Variants in ZNF175 observed in about 807,000 individuals in gnomAD.
ZNF175 encodes zinc finger protein OTK18.
ZNF175 carries 8 observed loss-of-function variants against 14.0 expected under a neutral mutation model. That is an observed-to-expected ratio of 0.57 (90% CI 0.34 to 1.03). The LOEUF (loss-of-function observed/expected upper bound fraction) is 1.03, where lower values mean the gene tolerates loss of function less well. Ranked by LOEUF, ZNF175 falls within the 50% of genes least tolerant of loss-of-function variation. The pLI is 0.03. For missense variants in ZNF175, 764 were observed against 849.5 expected, an observed-to-expected ratio of 0.90 and a Z score of 1.25; for synonymous variants, 255 against 296.8, an observed-to-expected ratio of 0.86 and a Z score of 1.45.
At position 51,581,809 on chromosome 19, in the gene ZNF175, G is replaced by T; in HGVS notation, c.222G>T (p.Glu74Asp). The T allele has an allele frequency of 6.2e-7, 1 of 1,613,950 alleles. No homozygotes were observed. Among genetic ancestry groups the T allele is most frequent in the Non-Finnish European group, 8.5e-7 (1 of 1,179,912 alleles). ...FAVGYHIPNP[E>D]VIFRMLKEKE... ...CAGGGTATCACATTCCCAACCCAGAGGTCATCTTCAGAATGCTAAAAGAAA... is the reference window on the plus strand; with the variant it reads ...CAGGGTATCACATTCCCAACCCAGATGTCATCTTCAGAATGCTAAAAGAAA... The change falls in exon 4 of 5, where the codon GAG (glutamate) becomes GAT (aspartate). Residue 74 changes from glutamate to aspartate, a missense_variant. Glu to Asp is a conservative substitution (Grantham distance 45, BLOSUM62 2). Coordinates refer to ENST00000262259, the MANE Select transcript of ZNF175 (RefSeq NM_007147.4).
chr19:51,577,870 A>T (rs567499387), intron 2 of ZNF175, among the ~76,000 whole-genome samples: 1 of 151,068 alleles, frequency 6.6e-6, no homozygotes, highest in African/African-American at 2.4e-5. Context: ...TCACCGTGTT[A>T]GCCAGGATGG....
intron 2 of ZNF175, among the ~76,000 whole-genome samples, chr19:51,574,926 T>A (rs151319243): frequency 9.5e-4 from 144 of 152,320 alleles, no homozygotes; most frequent in Non-Finnish European, 1.6e-3. Context: ...TCCATCAGTG[T>A]CTGAATTCAT....
rs574264495 is a variant in ZNF175 at position 51,573,307 on chromosome 19, G to A, written c.-23G>A. 23 of 1,612,280 alleles carry A rather than the reference G, an allele frequency of 1.4e-5. 1 individual carries two copies. The Middle Eastern group carries it at 5.0e-4, about 35-fold the overall frequency. ...AGTGGAGTTGTCAGCAAGAGAGACC[G>A]AGAGTAGAAGCCCAGAGTGGAGATG... On this transcript the variant is annotated 5_prime_UTR_variant, in exon 2 of 5. Transcript: ENST00000262259.
chr19:51,580,287 A>G (rs781503596), intron 2 of ZNF175, among the ~76,000 whole-genome samples: 6 of 151,726 alleles, frequency 4.0e-5, no homozygotes, highest in Non-Finnish European at 8.8e-5. Context: ...TTATTTTTTT[A>G]TTTTGCATCA....
At chr19:51,580,948 A>C (rs544344457) in intron 2 of ZNF175, among the ~76,000 whole-genome samples, 9 of 152,290 alleles carry the variant, frequency 5.9e-5, no homozygotes, top group Non-Finnish European at 8.8e-5. Flanking sequence ...TCCTCTGCAT[A>C]TATTTCTACC....
At chr19:51,582,357 G>A (rs1023906250) in intron 4 of ZNF175, among the ~76,000 whole-genome samples, 3 of 152,154 alleles carry the variant, frequency 2.0e-5, no homozygotes, top group Admixed American at 6.5e-5. Context: ...GGGTGCAGTG[G>A]CACGATCTTG....
rs933537262 is a variant in ZNF175 at position 51,589,226 on chromosome 19, G to A, written c.*759G>A. The A allele has an allele frequency of 1.0e-5, 3 of 292,040 alleles. No homozygotes were observed. Among genetic ancestry groups the A allele is most frequent in the African/African-American group, 4.3e-5 (2 of 46,208 alleles). The allele number at this position is 292,040 out of a possible 1,614,324, so 18.1% of individuals were successfully genotyped here. The stretch of plus-strand genomic sequence containing the variant: ...TCTATGTATGTATATATATGCATAT[G>A]CAGACATATGTATATGGTCTGGTCA... On this transcript the variant is annotated 3_prime_UTR_variant, in exon 5 of 5. Coordinates refer to ENST00000262259, the MANE Select transcript of ZNF175 (RefSeq NM_007147.4).
rs867737061 is a variant in ZNF175, at chr19:51,576,147, T to C, written c.72+2746T>C. On this transcript the variant is annotated intron_variant, in intron 2 of 4. Coordinates refer to ENST00000262259, the MANE Select transcript of ZNF175 (RefSeq NM_007147.4). ...CTCGCTATTTCAGGGACAGTTTTTT[T>C]TTTTGTTTTTTTTTTTTTTTGAGAC... is the stretch of plus-strand genomic sequence containing the variant. 1.9e-4 allele frequency among the ~76,000 whole-genome samples: 23 copies of C among 122,970 alleles called. No homozygotes were observed. The East Asian group carries it at 0.011, about 57-fold the overall frequency. 80.7% of individuals were successfully genotyped at this position (122,970 alleles called of 152,430 possible).
Position 51,589,324 on chromosome 19 carries a change from C to G in ZNF175, c.*857C>G. On this transcript the variant is annotated 3_prime_UTR_variant, in exon 5 of 5. Transcript: ENST00000262259. The stretch of plus-strand genomic sequence containing the variant: ...GCAGTGGGGTTTGCTGCAGAATTCA[C>G]TGCATAGCAGGAGATGTAAGCAGAT... 1.8e-6 allele frequency: 1 copy of G among 558,638 alleles called. No homozygotes were observed. The allele number at this position is 558,638 out of a possible 1,614,324, so 34.6% of individuals were successfully genotyped here.
chr19:51,586,922 A>G lies in ZNF175; in HGVS notation c.591A>G (p.Lys197=). 1 of 1,614,188 alleles carries G rather than the reference A, an allele frequency of 6.2e-7. No homozygotes were observed. The highest frequency in any genetic ancestry group is 8.5e-7 in the Non-Finnish European group (1 of 1,180,024). ...HLASSQKQPQ[K]CCLFTESLKL... ...CTTCTTCACAGAAACAACCTCAGAA[A>G]TGTTGCTTATTTACAGAAAGTTTGA... The change falls in exon 5 of 5, where the codon AAA becomes AAG. Residue 197 remains lysine, a synonymous_variant. Coordinates refer to ENST00000262259, the MANE Select transcript of ZNF175 (RefSeq NM_007147.4).
chr19:51,587,482 C>T lies in ZNF175; in HGVS notation c.1151C>T (p.Thr384Ile). Residue 384 changes from threonine (T) to isoleucine (I), a missense_variant, in exon 5 of 5, where the codon ACT (threonine) becomes ATT (isoleucine). Thr to Ile is a moderately conservative substitution (Grantham distance 89, BLOSUM62 -1). Transcript: ENST00000262259. ...QMLSLFRHQR[T>I]HSREKLYECS... ...TTATCTCTCTTCAGACATCAGAGAACTCACAGTAGAGAAAAACTCTATGAA... is the reference window on the plus strand; with the variant it reads ...TTATCTCTCTTCAGACATCAGAGAATTCACAGTAGAGAAAAACTCTATGAA... 1 of 1,614,192 alleles carries T rather than the reference C, an allele frequency of 6.2e-7. No individual in the cohort carries two copies. The highest frequency in any genetic ancestry group is 8.5e-7 in the Non-Finnish European group (1 of 1,180,030).
At position 51,588,829 on chromosome 19, in the gene ZNF175, A is replaced by G. The variant is rs1466611490; in HGVS notation, c.*362A>G. 4 of 405,710 alleles carry G rather than the reference A, an allele frequency of 9.9e-6. No individual in the cohort carries two copies. The highest frequency in any genetic ancestry group is 7.1e-5 in the East Asian group (2 of 28,206). 25.1% of individuals were successfully genotyped at this position (405,710 alleles called of 1,614,324 possible). A position where few individuals can be genotyped will look rare whatever the true frequency, so the allele number is the denominator to read the frequency against. The stretch of plus-strand genomic sequence containing the variant: ...GTAAAATATGTGGGAAATTATATCA[A>G]TGATAACCCTGTTTATTGTGGGATA... On this transcript the variant is annotated 3_prime_UTR_variant, in exon 5 of 5. Coordinates refer to ENST00000262259, the MANE Select transcript of ZNF175 (RefSeq NM_007147.4).
Position 51,587,669 on chromosome 19 carries a change from CTATGTG to C in ZNF175, c.1340_1345del (p.Tyr447_Val448del). 2 of 1,613,846 alleles carry C rather than the reference CTATGTG, an allele frequency of 1.2e-6. No individual in the cohort carries two copies. The highest frequency in any genetic ancestry group is 1.1e-5 in the South Asian group (1 of 91,072). ...AGAGAATCCACTCAGGGCAGAAGTCCTATGTGTGTATCGAATGCGGGCAGGCCTTCA... is the reference window on the plus strand; with the variant it reads ...AGAGAATCCACTCAGGGCAGAAGTCCTGTATCGAATGCGGGCAGGCCTTCA... On this transcript the variant is annotated inframe_deletion, in exon 5 of 5. Transcript: ENST00000262259.
At position 51,581,557 on chromosome 19, in the gene ZNF175, TGAG is replaced by T. The variant is rs3217616; in HGVS notation, c.199+44_199+46del. On this transcript the variant is annotated intron_variant, in intron 3 of 4. Transcript: ENST00000262259. ...CCTGGGAATCTTGGCTGGATCCTGTTGAGGAGATTTCCTTCCTCCTCATTGCAG... is the reference window on the plus strand; with the variant it reads ...CCTGGGAATCTTGGCTGGATCCTGTTGAGATTTCCTTCCTCCTCATTGCAG... The T allele has an allele frequency of 3.4e-3, 5,460 of 1,588,674 alleles. 196 individuals carry two copies. In the East Asian group the frequency reaches 0.085, roughly 25 times the overall value.
intron 2 of ZNF175, 59 bp downstream of exon 2, chr19:51,573,460 A>T (rs755220226): frequency 6.4e-7 from 1 of 1,570,532 alleles, no homozygotes; most frequent in African/African-American, 1.4e-5. Context: ...CACAGGATGC[A>T]GCAGGTCTGG....
chr19:51,587,022 C>A lies in ZNF175; in HGVS notation c.691C>A (p.Gln231Lys), dbSNP rs1411535839. The change falls in exon 5 of 5, where the codon CAG becomes AAG. Residue 231 changes from glutamine to lysine, a missense_variant. Gln to Lys is a moderately conservative substitution (Grantham distance 53). Coordinates refer to ENST00000262259, the MANE Select transcript of ZNF175 (RefSeq NM_007147.4). The part of the protein sequence containing the change: ...EQLDDVVGSG[Q>K]LFSHSSSDAC... The stretch of plus-strand genomic sequence containing the variant: ...GCTTGATGACGTTGTTGGGTCTGGT[C>A]AGCTATTCAGCCATAGCTCTTCTGA... The A allele has an allele frequency of 6.2e-7, 1 of 1,614,018 alleles. No individual in the cohort carries two copies. Among genetic ancestry groups the A allele is most frequent in the African/African-American group, 1.3e-5 (1 of 74,910 alleles).
chr19:51,573,227 C>T lies in ZNF175; in HGVS notation c.-103C>T. ...CTTCATAGCCCAGTACGACTCTCCG[C>T]CGTGTCCCTGGTTGGAAAATCCAAA... On this transcript the variant is annotated 5_prime_UTR_variant, in exon 2 of 5. Transcript: ENST00000262259. 1 of 1,109,946 alleles carries T rather than the reference C, an allele frequency of 9.0e-7. No individual in the cohort carries two copies. The highest frequency in any genetic ancestry group is 1.4e-6 in the Non-Finnish European group (1 of 728,764). The allele number at this position is 1,109,946 out of a possible 1,614,324, so 68.8% of individuals were successfully genotyped here.
chr19:51,587,474 TC>T lies in ZNF175; in HGVS notation c.1144del (p.Gln382ArgfsTer81). ...FFQMLSLFRHQRTHSREKLYE... is the reference protein window; with the variant it reads ...FFQMLSLFRHXRTHSREKLYE... ...TCCAGATGTTATCTCTCTTCAGACATCAGAGAACTCACAGTAGAGAAAAACT... is the reference window on the plus strand; with the variant it reads ...TCCAGATGTTATCTCTCTTCAGACATAGAGAACTCACAGTAGAGAAAAACT... On this transcript the variant is annotated frameshift_variant, in exon 5 of 5. Transcript: ENST00000262259. LOFTEE classifies it low-confidence loss of function (END_TRUNC). 2 of 1,614,184 alleles carry T rather than the reference TC, an allele frequency of 1.2e-6. No individual in the cohort carries two copies. The highest frequency in any genetic ancestry group is 1.7e-6 in the Non-Finnish European group (2 of 1,180,032).
intron 2 of ZNF175, among the ~76,000 whole-genome samples, chr19:51,579,752 G>C (rs1981933369): frequency 6.6e-6 from 1 of 152,052 alleles, no homozygotes; most frequent in Non-Finnish European, 1.5e-5. Flanking sequence ...TCCACCCCTG[G>C]GTATATGCCC....
Sources: gnomAD v4.1 joint callset for allele counts (sites outside exome capture counted in the v4.1 genomes callset) on GRCh38, gnomAD v4.1.1 for gene constraint, MANE v1.5 for transcripts, NCBI Gene and HGNC (gene_info 2026-07-23, HGNC 2026-07-21) for gene names.